Variants in MAP3K14 observed in about 807,000 individuals in gnomAD.
The protein encoded by MAP3K14 is NF-kappa-beta-inducing kinase.
In MAP3K14, 16 loss-of-function variants were observed where a neutral mutation model predicts 99.2. The observed-to-expected ratio is 0.16, with a 90% CI of 0.11 to 0.24. The LOEUF is 0.24. Among genes scored for constraint, MAP3K14 ranks in the 10% least tolerant of loss-of-function variants. The pLI is 1.00. For synonymous variants in MAP3K14, 462 were observed against 492.4 expected, an observed-to-expected ratio of 0.94 and a Z score of 0.82; for missense variants, 784 against 1,208.7, an observed-to-expected ratio of 0.65 and a Z score of 5.21.
chr17:45,304,229 C>G (rs1041738853), intron 1 of MAP3K14, among the ~76,000 whole-genome samples: 2 of 152,004 alleles, frequency 1.3e-5, no homozygotes, highest in African/African-American at 4.8e-5. Context: ...GTCTTGAACT[C>G]CTGACCTCAA....
At chr17:45,289,165 G>T in intron 3 of MAP3K14, 71 bp downstream of exon 3, 2 of 1,423,066 alleles carry the variant, frequency 1.4e-6, no homozygotes, top group Non-Finnish European at 2.0e-6. Flanking sequence ...GAGCGGCCCA[G>T]GCAAGTGCTG....
intron 1 of MAP3K14, among the ~76,000 whole-genome samples, chr17:45,291,206 AG>A (rs2044307663): frequency 6.6e-6 from 1 of 152,152 alleles, no homozygotes; most frequent in South Asian, 2.1e-4. Context: ...GCCTTTGGAG[AG>A]GACCTGTTGG....
Position 45,267,839 on chromosome 17 carries a change from G to A in MAP3K14, c.1973-80C>T. 1 of 1,223,048 alleles carries A rather than the reference G, an allele frequency of 8.2e-7. No individual in the cohort carries two copies. Among genetic ancestry groups the A allele is most frequent in the Non-Finnish European group, 1.2e-6 (1 of 859,582 alleles). The allele number at this position is 1,223,048 out of a possible 1,614,324, so 75.8% of individuals were successfully genotyped here. On this transcript the variant is annotated intron_variant, in intron 11 of 15. Coordinates refer to ENST00000344686, the MANE Select transcript of MAP3K14 (RefSeq NM_003954.5). This position sits in a 1 kb window ranked among gnomAD's most constrained non-coding sequence, Gnocchi z 5.1. ...TCCAGGCAGGAGCGGCCTCTCCTGA[G>A]TGCAGAAGGGCTAGAGGCAAACAAA...
At chr17:45,268,038 A>C in intron 11 of MAP3K14, 1 of 390,574 alleles carries the variant, frequency 2.6e-6, no homozygotes, top group Non-Finnish European at 4.6e-6. Context: ...AAACTACAGA[A>C]TCAGCTCCAG....
chr17:45,309,565 C>T (rs1284667189), intron 1 of MAP3K14, among the ~76,000 whole-genome samples: 1 of 152,198 alleles, frequency 6.6e-6, no homozygotes, highest in Non-Finnish European at 1.5e-5. Flanking sequence ...AAAGGACAGA[C>T]ACACTTCTGA....
At chr17:45,302,149 AG>A (rs1286411268) in intron 1 of MAP3K14, among the ~76,000 whole-genome samples, 2 of 146,716 alleles carry the variant, frequency 1.4e-5, no homozygotes, top group Non-Finnish European at 1.5e-5. Flanking sequence ...CATTTTTAAC[AG>A]ATAATGTTTC....
At chr17:45,306,293 T>C (rs2044429652) in intron 1 of MAP3K14, among the ~76,000 whole-genome samples, 1 of 151,328 alleles carries the variant, frequency 6.6e-6, no homozygotes, top group African/African-American at 2.5e-5. Context: ...CCCATACTCT[T>C]AACCATGACA....
chr17:45,265,530 C>T (rs1194234592), intron 14 of MAP3K14, among the ~76,000 whole-genome samples: 12 of 152,198 alleles, frequency 7.9e-5, no homozygotes, highest in Admixed American at 2.6e-4. Context: ...CTTTACCTCC[C>T]GGGTTCAAGT....
intron 10 of MAP3K14, 167 bp from the exon 11 acceptor site, chr17:45,270,730 G>T: frequency 9.8e-7 from 1 of 1,023,106 alleles, no homozygotes; most frequent in Non-Finnish European, 1.4e-6. Context: ...TCCCAGGAAA[G>T]GGACAAATGG....
rs187160869 is a variant in MAP3K14 at position 45,295,766 on chromosome 17, A to T, written c.-20-5001T>A. Among the ~76,000 whole-genome samples, 32 of 152,370 alleles carry T rather than the reference A, an allele frequency of 2.1e-4. No individual in the cohort carries two copies. The East Asian group carries it at 3.3e-3, about 16-fold the overall frequency. ...CCTTCAGAGCTGTTTTGAAGACCGA[A>T]TGAAGACGAGTACATGAAATGCCAA... On this transcript the variant is annotated intron_variant, in intron 1 of 15. Transcript: ENST00000344686.
intron 1 of MAP3K14, among the ~76,000 whole-genome samples, chr17:45,312,547 CTT>C (rs1009520549): frequency 6.6e-6 from 1 of 151,654 alleles, no homozygotes; most frequent in Non-Finnish European, 1.5e-5. Flanking sequence ...TAACATGAAA[CTT>C]TTTTTTTCCC....
At position 45,263,221 on chromosome 17, in the gene MAP3K14, G is replaced by A. The variant is rs1204004063; in HGVS notation, c.*1415C>T. ...AAGGCTGCAGTTCTTTATGTGCTGG[G>A]GGCCGGGGCTCTCTCCCCGGGAGCA... On this transcript the variant is annotated 3_prime_UTR_variant, in exon 16 of 16. Coordinates refer to ENST00000344686, the MANE Select transcript of MAP3K14 (RefSeq NM_003954.5). 1.3e-5 allele frequency: 2 copies of A among 152,388 alleles called. No individual in the cohort carries two copies. Among genetic ancestry groups the A allele is most frequent in the African/African-American group, 2.4e-5 (1 of 41,444 alleles). The allele number at this position is 152,388 out of a possible 1,614,324, so 9.4% of individuals were successfully genotyped here.
intron 3 of MAP3K14, among the ~76,000 whole-genome samples, chr17:45,288,916 G>T (rs1052717819): frequency 3.3e-5 from 5 of 152,180 alleles, no homozygotes; most frequent in Non-Finnish European, 7.3e-5. Context: ...CGCAAGAGTG[G>T]GAAGCAGCTT....
Position 45,287,378 on chromosome 17 carries a change from G to C in MAP3K14, c.327-14C>G. Reference sequence around the variant, plus strand: ...CTCTCGGACTGGCTGTCACAAAAGGGACAGATTTGCATATTGAGCACGAGG... The same window carrying C: ...CTCTCGGACTGGCTGTCACAAAAGGCACAGATTTGCATATTGAGCACGAGG... On this transcript the variant is annotated splice_polypyrimidine_tract_variant and intron_variant, in intron 3 of 15. Transcript: ENST00000344686. The C allele has an allele frequency of 6.2e-7, 1 of 1,611,710 alleles. No individual in the cohort carries two copies. Among genetic ancestry groups the C allele is most frequent in the Non-Finnish European group, 8.5e-7 (1 of 1,177,960 alleles).
intron 1 of MAP3K14, among the ~76,000 whole-genome samples, chr17:45,315,031 A>AT (rs2044518631): frequency 6.6e-6 from 1 of 152,060 alleles, no homozygotes; most frequent in African/African-American, 2.4e-5. Flanking sequence ...AAAAAAAAAA[A>AT]TCACAACAGT....
intron 14 of MAP3K14, among the ~76,000 whole-genome samples, chr17:45,265,933 T>C (rs1390692337): frequency 6.6e-6 from 1 of 152,260 alleles, no homozygotes; most frequent in Admixed American, 6.5e-5. Flanking sequence ...CAAGGATTCT[T>C]AAATTAGATT....
At chr17:45,271,339 T>G in intron 9 of MAP3K14, 118 bp from the exon 10 acceptor site, 6 of 845,864 alleles carry the variant, frequency 7.1e-6, no homozygotes, top group Non-Finnish European at 1.1e-5. Context: ...AAGTACTTTT[T>G]ATTTTATTAT....
intron 6 of MAP3K14, among the ~76,000 whole-genome samples, chr17:45,280,366 T>A (rs1263068453): frequency 6.7e-6 from 1 of 148,372 alleles, no homozygotes; most frequent in African/African-American, 2.5e-5. Context: ...TGCAGTGGCA[T>A]GATCTTGGCT....
At chr17:45,288,748 C>T (rs2044287978) in intron 3 of MAP3K14, among the ~76,000 whole-genome samples, 1 of 152,168 alleles carries the variant, frequency 6.6e-6, no homozygotes, top group South Asian at 2.1e-4. Flanking sequence ...CCCACCCTGG[C>T]TTCCTTTCTA....
Sources: allele counts gnomAD v4.1 joint callset (sites outside exome capture counted in the v4.1 genomes callset), GRCh38; gene constraint gnomAD v4.1.1; non-coding constraint Gnocchi (gnomAD v3.1); transcripts MANE v1.5; gene names NCBI Gene and HGNC (gene_info 2026-07-23, HGNC 2026-07-21).